CREBRF: variants seen among roughly 807,000 people sequenced by gnomAD.
CREBRF encodes UPF0474 protein C5orf41.
Under a neutral mutation model 66.1 loss-of-function variants are expected in CREBRF, and 5 were observed. The observed-to-expected ratio is 0.08, with a 90% CI of 0.04 to 0.16. The LOEUF (loss-of-function observed/expected upper bound fraction) is 0.16. CREBRF is among the 10% of genes least tolerant of loss of function. The pLI is 1.00. For missense variants in CREBRF, 531 were observed against 744.9 expected (o/e 0.71, Z 3.34); for synonymous variants, 229 against 264.4 (o/e 0.87, Z 1.30).
intron 1 of CREBRF, among the ~76,000 whole-genome samples, chr5:173,077,946 T>C (rs1757816655): frequency 6.6e-6 from 1 of 152,228 alleles, no homozygotes; most frequent in African/African-American, 2.4e-5. Flanking sequence ...TTTGCCATAT[T>C]TTGTTGATCC....
intron 8 of CREBRF, among the ~76,000 whole-genome samples, chr5:173,129,180 G>A (rs543978147): frequency 1.4e-4 from 18 of 133,068 alleles, no homozygotes; most frequent in Admixed American, 2.7e-4. Context: ...GCAGTGGCGC[G>A]ATCTCGGCTC....
At position 173,137,838 on chromosome 5, in the gene CREBRF, A is replaced by C. The variant is rs1002286102; in HGVS notation, c.*4093A>C. On this transcript the variant is annotated 3_prime_UTR_variant, in exon 9 of 9. Coordinates refer to ENST00000296953, the MANE Select transcript of CREBRF (RefSeq NM_153607.3). The stretch of plus-strand genomic sequence containing the variant: ...CTGCTAAGATTTAATGTTATAAGAA[A>C]TGAATTCAAGTTGCCTTCAGCAAGA... 6 of 152,164 alleles carry C rather than the reference A, an allele frequency of 3.9e-5. No individual in the cohort carries two copies. Among genetic ancestry groups the C allele is most frequent in the Non-Finnish European group, 8.8e-5 (6 of 67,996 alleles). 9.4% of individuals were successfully genotyped at this position (152,164 alleles called of 1,614,324 possible).
chr5:173,063,788 T>C (rs1757352331), intron 1 of CREBRF, among the ~76,000 whole-genome samples: 1 of 151,998 alleles, frequency 6.6e-6, no homozygotes, highest in African/African-American at 2.4e-5. Flanking sequence ...AGTGGTGTAA[T>C]CTCTGCCCCT....
At chr5:173,100,225 C>T (rs964319816) in intron 4 of CREBRF, among the ~76,000 whole-genome samples, 2 of 148,892 alleles carry the variant, frequency 1.3e-5, no homozygotes, top group African/African-American at 5.0e-5. Flanking sequence ...ATCCGCCCAC[C>T]TCGGCCCTCC....
intron 4 of CREBRF, among the ~76,000 whole-genome samples, chr5:173,103,950 C>G (rs75168604): frequency 0.046 from 6,976 of 152,140 alleles, 217 homozygotes; most frequent in Non-Finnish European, 0.069. Context: ...GTATGATGAT[C>G]TATCACATGA....
At chr5:173,082,014 T>TTTTTTGTTTTTTTTTTG (rs1757965725) in intron 2 of CREBRF, among the ~76,000 whole-genome samples, 3 of 113,784 alleles carry the variant, frequency 2.6e-5, no homozygotes, top group Admixed American at 8.6e-5. Context: ...TTTTTTTTTT[T>TTTTTTGTTTTTTTTTTG]TTTTTTTTTT....
chr5:173,101,631 C>T (rs999713867), intron 4 of CREBRF, among the ~76,000 whole-genome samples: 1 of 151,946 alleles, frequency 6.6e-6, no homozygotes, highest in Non-Finnish European at 1.5e-5. Context: ...TGACTCACTG[C>T]AACCTCTGCC....
chr5:173,116,741 C>A (rs1758999244), intron 7 of CREBRF, among the ~76,000 whole-genome samples: 1 of 150,714 alleles, frequency 6.6e-6, no homozygotes. Context: ...TGGTTAAATA[C>A]CTAGATGTAG....
At chr5:173,078,806 T>G (rs1291374854) in intron 1 of CREBRF, among the ~76,000 whole-genome samples, 1 of 152,156 alleles carries the variant, frequency 6.6e-6, no homozygotes, top group Non-Finnish European at 1.5e-5. Context: ...GTTACAGGTG[T>G]GAGCCACTGC....
intron 4 of CREBRF, among the ~76,000 whole-genome samples, chr5:173,100,417 C>A (rs1758600434): frequency 6.6e-6 from 1 of 151,354 alleles, no homozygotes; most frequent in Non-Finnish European, 1.5e-5. Context: ...TTTATACTTT[C>A]ATGTTTTTCT....
chr5:173,118,549 C>T (rs940960594), intron 7 of CREBRF, among the ~76,000 whole-genome samples: 2 of 151,552 alleles, frequency 1.3e-5, no homozygotes, highest in Non-Finnish European at 2.9e-5. Context: ...AGATGATGTT[C>T]ATATTTTCCC....
At chr5:173,108,921 C>A in intron 5 of CREBRF, 103 bp downstream of exon 5, 1 of 1,006,380 alleles carries the variant, frequency 9.9e-7, no homozygotes, top group Non-Finnish European at 1.5e-6. Context: ...CCCTTCCTAG[C>A]AAACTGGAGA....
At chr5:173,078,963 T>G (rs1409386395) in intron 1 of CREBRF, among the ~76,000 whole-genome samples, 2 of 152,188 alleles carry the variant, frequency 1.3e-5, no homozygotes, top group African/African-American at 4.8e-5. Context: ...TAGGGAGGCC[T>G]AAGTCATAGG....
rs897691526 is a variant in CREBRF at position 173,080,592 on chromosome 5, C to T, written c.-184C>T. The T allele has an allele frequency of 1.9e-5, 11 of 582,146 alleles. No individual in the cohort carries two copies. Among genetic ancestry groups the T allele is most frequent in the Middle Eastern group, 4.6e-4 (1 of 2,186 alleles). 36.1% of individuals were successfully genotyped at this position (582,146 alleles called of 1,614,324 possible). On this transcript the variant is annotated 5_prime_UTR_variant, in exon 2 of 9. Coordinates refer to ENST00000296953, the MANE Select transcript of CREBRF (RefSeq NM_153607.3). ...CTTTGTGTTGTTTGACAGACAGCAT[C>T]GCACAGAATTATTTTAAAAAAAAGC...
At chr5:173,088,076 G>A (rs927239925) in intron 3 of CREBRF, among the ~76,000 whole-genome samples, 1 of 151,446 alleles carries the variant, frequency 6.6e-6, no homozygotes, top group Non-Finnish European at 1.5e-5. Flanking sequence ...ACCCACCTCG[G>A]AGTGCTGGGA....
chr5:173,139,014 C>G lies in CREBRF; in HGVS notation c.*5269C>G, dbSNP rs149925678. ...ATTCTGTAGTTTTTTTTTTTTCTCT[C>G]CCAACTGGAGCTATGACACTTTTTA... is the stretch of plus-strand genomic sequence containing the variant. On this transcript the variant is annotated 3_prime_UTR_variant, in exon 9 of 9. Coordinates refer to ENST00000296953, the MANE Select transcript of CREBRF (RefSeq NM_153607.3). The G allele has an allele frequency of 6.6e-6, 1 of 151,236 alleles. No individual in the cohort carries two copies. The highest frequency in any genetic ancestry group is 1.5e-5 in the Non-Finnish European group (1 of 67,802). 9.4% of individuals were successfully genotyped at this position (151,236 alleles called of 1,614,324 possible).
At chr5:173,067,670 C>T (rs1757472652) in intron 1 of CREBRF, among the ~76,000 whole-genome samples, 2 of 152,144 alleles carry the variant, frequency 1.3e-5, no homozygotes, top group South Asian at 2.1e-4. Context: ...GTTGATTTCT[C>T]ACTGCAGTAC....
intron 4 of CREBRF, among the ~76,000 whole-genome samples, chr5:173,098,525 T>C (rs1758534624): frequency 6.6e-6 from 1 of 152,344 alleles, no homozygotes; most frequent in South Asian, 2.1e-4. Context: ...GCCTAACATA[T>C]GATCTAAACT....
At chr5:173,107,899 TCGG>T (rs1278593430) in intron 4 of CREBRF, among the ~76,000 whole-genome samples, 23 of 148,592 alleles carry the variant, frequency 1.5e-4, no homozygotes, top group Non-Finnish European at 3.0e-4. Context: ...CGGCACAATC[TCGG>T]CTCACTGCAA....
Sources: allele counts gnomAD v4.1 joint callset (sites outside exome capture counted in the v4.1 genomes callset), GRCh38; gene constraint gnomAD v4.1.1; transcripts MANE v1.5; gene names NCBI Gene and HGNC (gene_info 2026-07-23, HGNC 2026-07-21).